NADK2: variants seen among roughly 807,000 people sequenced by gnomAD.
The protein encoded by NADK2 is NAD kinase domain-containing protein 1, mitochondrial.
In NADK2, 35 loss-of-function variants were observed where a neutral mutation model predicts 62.1. The ratio of observed to expected loss-of-function variants is 0.56; its 90% CI spans 0.43 to 0.75. The LOEUF (loss-of-function observed/expected upper bound fraction) is 0.75, where lower values mean the gene tolerates loss of function less well. NADK2 is among the 30% of genes least tolerant of loss of function. The pLI, the probability that NADK2 is intolerant of heterozygous loss-of-function variation, is 0.00. For synonymous variants in NADK2, 205 were observed against 207.9 expected (o/e 0.99, Z 0.12); for missense variants, 439 against 561.3 (o/e 0.78, Z 2.20).
chr5:36,207,120 T>C (rs745605958), intron 8 of NADK2, 50 bp downstream of exon 8: 1 of 1,472,538 alleles, frequency 6.8e-7, no homozygotes, highest in South Asian at 1.1e-5. Context: ...AATATTACAT[T>C]ACTAAAAGTA....
intron 7 of NADK2, among the ~76,000 whole-genome samples, chr5:36,208,883 A>C (rs561044724): frequency 6.6e-6 from 1 of 152,260 alleles, no homozygotes; most frequent in Non-Finnish European, 1.5e-5. Context: ...TTTATGTTAC[A>C]GTTCTGATGC....
At chr5:36,215,016 AG>A (rs1295554359) in intron 6 of NADK2, among the ~76,000 whole-genome samples, 9 of 152,180 alleles carry the variant, frequency 5.9e-5, no homozygotes, top group African/African-American at 2.2e-4. Flanking sequence ...GGATGTGCAT[AG>A]GTTATATGCC....
intron 1 of NADK2, among the ~76,000 whole-genome samples, chr5:36,240,643 G>A (rs1020118037): frequency 2.4e-4 from 36 of 151,500 alleles, no homozygotes; most frequent in African/African-American, 8.7e-4. Context: ...TAAAGTTGGT[G>A]GGGGGGGATG....
chr5:36,202,835 GC>G (rs1382843976), intron 8 of NADK2, among the ~76,000 whole-genome samples: 2 of 152,042 alleles, frequency 1.3e-5, no homozygotes, highest in Non-Finnish European at 2.9e-5. Context: ...GAAGCCACTT[GC>G]CAATCAGGAA....
intron 9 of NADK2, among the ~76,000 whole-genome samples, chr5:36,200,710 C>T (rs1366762037): frequency 6.6e-6 from 1 of 151,982 alleles, no homozygotes; most frequent in Non-Finnish European, 1.5e-5. Flanking sequence ...GTACATATTA[C>T]TGGCCCATTA....
intron 3 of NADK2, 145 bp from the exon 4 acceptor site, chr5:36,225,768 A>G: frequency 1.6e-6 from 1 of 609,180 alleles, no homozygotes; most frequent in Non-Finnish European, 2.9e-6. Flanking sequence ...TCTACCTATT[A>G]TACCTTTGGA....
intron 1 of NADK2, among the ~76,000 whole-genome samples, chr5:36,238,429 A>C (rs1173277477): frequency 2.0e-5 from 3 of 152,226 alleles, no homozygotes; most frequent in African/African-American, 7.2e-5. Context: ...GGAATGATGG[A>C]GAGGAGGGCA....
In NADK2 at chr5:36,219,695, A is replaced by T. The variant is rs1181142263; in HGVS notation, c.561-16T>A. ...ACCCTCAGACCTATATTTTAACAGG[A>T]ATTTTTTGGTGATATAAAGAGGAAA... On this transcript the variant is annotated splice_polypyrimidine_tract_variant and intron_variant, in intron 4 of 11. Coordinates refer to ENST00000381937, the MANE Select transcript of NADK2 (RefSeq NM_001085411.3). 2 of 1,606,072 alleles carry T rather than the reference A, an allele frequency of 1.2e-6. No homozygotes were observed. Among genetic ancestry groups the T allele is most frequent in the Admixed American group, 3.4e-5 (2 of 59,534 alleles).
intron 6 of NADK2, among the ~76,000 whole-genome samples, chr5:36,213,901 G>A (rs1208155766): frequency 6.6e-6 from 1 of 151,826 alleles, no homozygotes; most frequent in Non-Finnish European, 1.5e-5. Flanking sequence ...CTGTAACCAT[G>A]TTTCCCTTTT....
rs74523581 is a variant in NADK2 at position 36,241,905 on chromosome 5, G to A, written c.-107C>T. The A allele has an allele frequency of 0.12, 110,378 of 944,136 alleles. 7,426 individuals are homozygous for A. The highest frequency in any genetic ancestry group is 0.26 in the South Asian group (6,124 of 23,120). 58.5% of individuals were successfully genotyped at this position (944,136 alleles called of 1,614,324 possible). Reference sequence around the variant, plus strand: ...CCGCCCGGGCCTCTAACTTCGCGCCGGACGGGCAGAGGTTAAGTGCCAGGA... The same window carrying A: ...CCGCCCGGGCCTCTAACTTCGCGCCAGACGGGCAGAGGTTAAGTGCCAGGA... On this transcript the variant is annotated 5_prime_UTR_variant, in exon 1 of 12. Coordinates refer to ENST00000381937, the MANE Select transcript of NADK2 (RefSeq NM_001085411.3). This position sits in a 1 kb window ranked among gnomAD's most constrained non-coding sequence, Gnocchi z 4.9.
Position 36,241,006 on chromosome 5 carries a change from C to T in NADK2, c.300+493G>A, listed in dbSNP as rs1382921390. On this transcript the variant is annotated intron_variant, in intron 1 of 11. Transcript: ENST00000381937. The surrounding 1 kb of genome is among the most constrained non-coding windows in gnomAD (Gnocchi z 4.9). ...CCTGCAGAGTAAAAGGGGGTGTGTCCGCGGTTGTTTCGGCCCTTTTCCCCC... is the reference window on the plus strand; with the variant it reads ...CCTGCAGAGTAAAAGGGGGTGTGTCTGCGGTTGTTTCGGCCCTTTTCCCCC... Among the ~76,000 whole-genome samples, 1 of 152,172 alleles carries T rather than the reference C, an allele frequency of 6.6e-6. No homozygotes were observed. Among genetic ancestry groups the T allele is most frequent in the African/African-American group, 2.4e-5 (1 of 41,444 alleles).
At chr5:36,211,993 TA>T in intron 6 of NADK2, 71 bp from the exon 7 acceptor site, 1 of 1,118,152 alleles carries the variant, frequency 8.9e-7, no homozygotes, top group Non-Finnish European at 1.3e-6. Flanking sequence ...AAAAATTTTA[TA>T]AAACACTACA....
intron 6 of NADK2, among the ~76,000 whole-genome samples, chr5:36,214,126 A>C (rs1746957625): frequency 6.6e-6 from 1 of 152,218 alleles, no homozygotes; most frequent in South Asian, 2.1e-4. Context: ...CTAATCACAG[A>C]ACTGTGTTCA....
chr5:36,241,387 CATCTGCGGTGCCCTGG>C lies in NADK2; in HGVS notation c.300+96_300+111del. ...GGGGCCGCGAGAGAGGCAGGACCGG[CATCTGCGGTGCCCTGG>C]GAAGAGTCGTCCCGAGAGGTCCCCC... is the stretch of plus-strand genomic sequence containing the variant. On this transcript the variant is annotated intron_variant, in intron 1 of 11. Transcript: ENST00000381937. The surrounding 1 kb of genome is among the most constrained non-coding windows in gnomAD (Gnocchi z 4.9). 7.4e-7 allele frequency: 1 copy of C among 1,358,008 alleles called. No individual in the cohort carries two copies. Among genetic ancestry groups the C allele is most frequent in the Non-Finnish European group, 9.5e-7 (1 of 1,057,784 alleles). The allele number at this position is 1,358,008 out of a possible 1,614,324, so 84.1% of individuals were successfully genotyped here.
chr5:36,236,877 A>AC (rs1320222397), intron 1 of NADK2, among the ~76,000 whole-genome samples: 7 of 151,244 alleles, frequency 4.6e-5, no homozygotes, highest in African/African-American at 1.7e-4. Flanking sequence ...CAAAAAAAAA[A>AC]AAAAAAAAAA....
At chr5:36,241,980 C>T, upstream of NADK2, 1 of 369,890 alleles carries the variant, frequency 2.7e-6, no homozygotes, top group Non-Finnish European at 4.2e-6. This position sits in a 1 kb window ranked among gnomAD's most constrained non-coding sequence, Gnocchi z 4.9. Flanking sequence ...TTGACGAAGG[C>T]GGGGAAAGCG....
At chr5:36,221,747 G>A (rs907383375) in intron 4 of NADK2, 11 of 152,118 alleles carry the variant, frequency 7.2e-5, no homozygotes, top group Non-Finnish European at 1.3e-4. Context: ...TGAATATGAA[G>A]CCAGTTTCCA....
At position 36,241,739 on chromosome 5, in the gene NADK2, C is replaced by G; in HGVS notation, c.60G>C (p.Ala20=). 1.6e-6 allele frequency: 2 copies of G among 1,286,718 alleles called. No individual in the cohort carries two copies. Among genetic ancestry groups the G allele is most frequent in the South Asian group, 4.0e-5 (2 of 50,274 alleles). 79.7% of individuals were successfully genotyped at this position (1,286,718 alleles called of 1,614,324 possible). Residue 20 remains alanine (A), a synonymous_variant, in exon 1 of 12, where the codon GCG becomes GCC. Transcript: ENST00000381937. This position sits in a 1 kb window ranked among gnomAD's most constrained non-coding sequence, Gnocchi z 4.9. ...GSCCRVAGGR[A]AALRGPGAGG... The stretch of plus-strand genomic sequence containing the variant: ...CCGCACCCGGTCCCCGCAGCGCCGC[C>G]GCCCGGCCGCCCGCCACGCGACAAC...
chr5:36,214,899 T>G (rs1261732538), intron 6 of NADK2, among the ~76,000 whole-genome samples: 1 of 152,214 alleles, frequency 6.6e-6, no homozygotes, highest in Non-Finnish European at 1.5e-5. Flanking sequence ...GGGTTGTTTA[T>G]TAAACCAATT....
Sources: allele counts gnomAD v4.1 joint callset (sites outside exome capture counted in the v4.1 genomes callset), GRCh38; gene constraint gnomAD v4.1.1; non-coding constraint Gnocchi (gnomAD v3.1); transcripts MANE v1.5; gene names NCBI Gene and HGNC (gene_info 2026-07-23, HGNC 2026-07-21).